The following RPAP2 variants were observed in gnomAD, a reference collection of about 807,000 sequenced individuals.
RPAP2 encodes RNA polymerase II associated protein 2.
In RPAP2, 52 loss-of-function variants were observed where a neutral mutation model predicts 73.1. That is an observed-to-expected ratio of 0.71 (90% CI 0.57 to 0.90). The LOEUF (loss-of-function observed/expected upper bound fraction) is 0.90, where lower values mean the gene tolerates loss of function less well. RPAP2 is among the 40% of genes least tolerant of loss of function. The pLI is 0.00. For missense variants in RPAP2, 598 were observed against 701.8 expected (o/e 0.85, Z 1.67); for synonymous variants, 225 against 242.1 (o/e 0.93, Z 0.65).
chr1:92,333,212 G>C (rs1653077640), intron 8 of RPAP2, 179 bp from the exon 9 acceptor site: 7 of 559,820 alleles, frequency 1.3e-5, no homozygotes, highest in Non-Finnish European at 2.2e-5. Context: ...ACTCAAAGAA[G>C]TTCACAACAG....
chr1:92,323,720 T>C lies in RPAP2; in HGVS notation c.800T>C (p.Val267Ala), dbSNP rs777868709. 1.2e-6 allele frequency: 2 copies of C among 1,614,072 alleles called. No individual in the cohort carries two copies. The highest frequency in any genetic ancestry group is 1.7e-6 in the Non-Finnish European group (2 of 1,179,994). ...AAACACAAAGACAAAGAACAGACAG[T>C]AGTAGATGTCACTGAGCAGTTAGGC... ...NSKHKDKEQT[V>A]VDVTEQLGDC... Residue 267 changes from valine to alanine, a missense_variant, in exon 8 of 13, where the codon GTA becomes GCA. Transcript: ENST00000610020.
chr1:92,385,182 A>G (rs1479905664), intron 12 of RPAP2, among the ~76,000 whole-genome samples: 1 of 152,022 alleles, frequency 6.6e-6, no homozygotes, highest in Non-Finnish European at 1.5e-5. Context: ...TCAAAAAAAA[A>G]AAAAAAAAGA....
chr1:92,399,751 T>C lies in RPAP2; in HGVS notation c.*12740T>C, dbSNP rs936475950. On this transcript the variant is annotated 3_prime_UTR_variant, in exon 13 of 13. Transcript: ENST00000610020. ...ATCCTTACCTCTTATCCTTCTCACA[T>C]CGTCCCATTAACACATTATCCATCT... is the stretch of plus-strand genomic sequence containing the variant. 8 of 152,208 alleles carry C rather than the reference T, an allele frequency of 5.3e-5. No homozygotes were observed. Among genetic ancestry groups the C allele is most frequent in the Admixed American group, 4.6e-4 (7 of 15,280 alleles). The allele number at this position is 152,208 out of a possible 1,614,324, so 9.4% of individuals were successfully genotyped here. A position where few individuals can be genotyped will look rare whatever the true frequency, so the allele number is the denominator to read the frequency against.
intron 11 of RPAP2, among the ~76,000 whole-genome samples, chr1:92,354,121 T>A (rs576698352): frequency 6.6e-6 from 1 of 152,234 alleles, no homozygotes; most frequent in East Asian, 1.9e-4. Flanking sequence ...AGTTGGCCCT[T>A]GCAAATCACA....
At position 92,317,968 on chromosome 1, in the gene RPAP2, G is replaced by A. The variant is rs138456427; in HGVS notation, c.489-2631G>A. ...CAAGATCTTGAAATAAGAGCTTCCCGTCTCTGACCACAACCTCTATCTCAA... is the reference window on the plus strand; with the variant it reads ...CAAGATCTTGAAATAAGAGCTTCCCATCTCTGACCACAACCTCTATCTCAA... On this transcript the variant is annotated intron_variant, in intron 6 of 12. Coordinates refer to ENST00000610020, the MANE Select transcript of RPAP2 (RefSeq NM_024813.3). 2.0e-3 allele frequency among the ~76,000 whole-genome samples: 297 copies of A among 152,140 alleles called. 2 individuals are homozygous for A. The highest frequency in any genetic ancestry group is 3.6e-3 in the Non-Finnish European group (243 of 67,994).
intron 8 of RPAP2, 54 bp downstream of exon 8, chr1:92,324,429 C>A (rs1003027992): frequency 2.3e-6 from 3 of 1,300,180 alleles, no homozygotes; most frequent in African/African-American, 1.5e-5. Flanking sequence ...GGAAAACTCA[C>A]CACAGCAAAT....
intron 10 of RPAP2, among the ~76,000 whole-genome samples, chr1:92,341,239 G>C (rs183364596): frequency 6.6e-6 from 1 of 152,106 alleles, no homozygotes; most frequent in African/African-American, 2.4e-5. Flanking sequence ...GAACTCCTGA[G>C]CCCAAGCAAT....
In RPAP2 at chr1:92,316,663, A is replaced by G. The variant is rs527452648; in HGVS notation, c.489-3936A>G. Among the ~76,000 whole-genome samples, 4 of 152,344 alleles carry G rather than the reference A, an allele frequency of 2.6e-5. No individual in the cohort carries two copies. The East Asian group carries it at 5.8e-4, about 22-fold the overall frequency. ...TTGTTTTGTAAACTGAGCTTTCACA[A>G]CTATCTTCAGGACAACAAAAATTGT... On this transcript the variant is annotated intron_variant, in intron 6 of 12. Coordinates refer to ENST00000610020, the MANE Select transcript of RPAP2 (RefSeq NM_024813.3).
chr1:92,393,198 T>G lies in RPAP2; in HGVS notation c.*6187T>G, dbSNP rs1271927024. The stretch of plus-strand genomic sequence containing the variant: ...ACCACACGTCTACCACCATCTGATC[T>G]TTGACAAACCTGACACACACAAGCA... On this transcript the variant is annotated 3_prime_UTR_variant, in exon 13 of 13. Coordinates refer to ENST00000610020, the MANE Select transcript of RPAP2 (RefSeq NM_024813.3). 2 of 152,210 alleles carry G rather than the reference T, an allele frequency of 1.3e-5. No homozygotes were observed. Among genetic ancestry groups the G allele is most frequent in the Admixed American group, 1.3e-4 (2 of 15,272 alleles). The allele number at this position is 152,210 out of a possible 1,614,324, so 9.4% of individuals were successfully genotyped here. A position where few individuals can be genotyped will look rare whatever the true frequency, so the allele number is the denominator to read the frequency against.
chr1:92,342,504 A>C (rs190153943), intron 10 of RPAP2, among the ~76,000 whole-genome samples: 1 of 152,250 alleles, frequency 6.6e-6, no homozygotes, highest in Admixed American at 6.5e-5. Flanking sequence ...ATGGAGGGTA[A>C]TTGCTAGGTT....
rs1300769011 is a variant in RPAP2 at position 92,392,384 on chromosome 1, C to T, written c.*5373C>T. The T allele has an allele frequency of 6.6e-6, 1 of 152,112 alleles. No homozygotes were observed. Among genetic ancestry groups the T allele is most frequent in the African/African-American group, 2.4e-5 (1 of 41,408 alleles). The allele number at this position is 152,112 out of a possible 1,614,324, so 9.4% of individuals were successfully genotyped here. ...AACTAGGTATTGATGGAATGTATCT[C>T]AATATAATAAGAGGTTATTTATGAC... On this transcript the variant is annotated 3_prime_UTR_variant, in exon 13 of 13. Coordinates refer to ENST00000610020, the MANE Select transcript of RPAP2 (RefSeq NM_024813.3).
intron 10 of RPAP2, among the ~76,000 whole-genome samples, chr1:92,345,401 AGAG>A (rs1254166796): frequency 1.7e-3 from 198 of 119,172 alleles, no homozygotes; most frequent in African/African-American, 5.0e-3. Flanking sequence ...AAAAAAAAAA[AGAG>A]AGAGAGAGAA....
intron 8 of RPAP2, among the ~76,000 whole-genome samples, chr1:92,332,043 G>A (rs557129892): frequency 1.9e-4 from 29 of 149,948 alleles, no homozygotes; most frequent in Middle Eastern, 3.5e-3. Context: ...GTTTTTTTTT[G>A]TAAGTTTTGG....
chr1:92,382,397 G>A (rs1655681188), intron 12 of RPAP2, among the ~76,000 whole-genome samples: 1 of 152,128 alleles, frequency 6.6e-6, no homozygotes, highest in Non-Finnish European at 1.5e-5. Flanking sequence ...CAGCGTACAA[G>A]TGTTCCTATT....
At chr1:92,346,800 T>A (rs1487142558) in intron 11 of RPAP2, among the ~76,000 whole-genome samples, 1 of 152,184 alleles carries the variant, frequency 6.6e-6, no homozygotes, top group East Asian at 1.9e-4. Context: ...TTAAAACTAT[T>A]CAATAAGTGT....
intron 11 of RPAP2, among the ~76,000 whole-genome samples, chr1:92,367,878 T>A (rs1571133466): frequency 6.6e-6 from 1 of 152,354 alleles, no homozygotes; most frequent in East Asian, 1.9e-4. Flanking sequence ...AATTTGGAAA[T>A]AAATTATGAA....
At chr1:92,386,861 TG>T in intron 12 of RPAP2, 149 bp from the exon 13 acceptor site, 2 of 492,908 alleles carry the variant, frequency 4.1e-6, no homozygotes, top group Non-Finnish European at 7.1e-6. Context: ...CCACCATGCC[TG>T]GCAAACTTTT....
chr1:92,357,151 T>C (rs1173140279), intron 11 of RPAP2, among the ~76,000 whole-genome samples: 1 of 150,764 alleles, frequency 6.6e-6, no homozygotes, highest in African/African-American at 2.4e-5. Flanking sequence ...ATGCTATGAG[T>C]AAGACTGTGT....
chr1:92,356,444 ATCTC>A (rs905017365), intron 11 of RPAP2, among the ~76,000 whole-genome samples: 4 of 151,558 alleles, frequency 2.6e-5, no homozygotes, highest in South Asian at 2.1e-4. Flanking sequence ...TTGAGACAGA[ATCTC>A]TCTCTATCAC....
Sources: allele counts gnomAD v4.1 joint callset (sites outside exome capture counted in the v4.1 genomes callset), GRCh38; gene constraint gnomAD v4.1.1; transcripts MANE v1.5; gene names NCBI Gene and HGNC (gene_info 2026-07-23, HGNC 2026-07-21).